SLC25A26: variants seen among roughly 807,000 people sequenced by gnomAD.
SLC25A26 encodes the protein solute carrier family 25 member 26.
A neutral mutation model predicts 37.8 loss-of-function variants in SLC25A26; 36 were observed. The ratio of observed to expected loss-of-function variants is 0.95; its 90% confidence interval spans 0.73 to 1.26. SLC25A26 has a LOEUF of 1.26. SLC25A26 is among the 50% of genes most tolerant of loss of function. The pLI, the probability that SLC25A26 is intolerant of heterozygous loss-of-function variation, is 0.00. For synonymous variants in SLC25A26, 129 were observed against 122.5 expected (o/e 1.05, Z -0.35); for missense variants, 390 against 331.1 (o/e 1.18, Z -1.38).
At chr3:66,371,550 G>GGT in intron 9 of SLC25A26, 1 of 1,127,804 alleles carries the variant, frequency 8.9e-7, no homozygotes, top group Non-Finnish European at 1.2e-6. Context: ...TGACGTTGGG[G>GGT]GTGTGAAGGG....
At chr3:66,279,389 C>T (rs1013050706) in intron 5 of SLC25A26, among the ~76,000 whole-genome samples, 1 of 152,230 alleles carries the variant, frequency 6.6e-6, no homozygotes, top group Non-Finnish European at 1.5e-5. Flanking sequence ...CCAGGTTTTG[C>T]CAACAGCTCT....
At chr3:66,171,988 C>A (rs2070506280) in intron 1 of SLC25A26, among the ~76,000 whole-genome samples, 1 of 152,162 alleles carries the variant, frequency 6.6e-6, no homozygotes, top group Non-Finnish European at 1.5e-5. Flanking sequence ...CTCCCTCAAC[C>A]TTTCCTAGGT....
At chr3:66,279,834 T>A (rs1376545676) in intron 5 of SLC25A26, among the ~76,000 whole-genome samples, 1 of 152,216 alleles carries the variant, frequency 6.6e-6, no homozygotes, top group Non-Finnish European at 1.5e-5. Context: ...ATTGTAAGTC[T>A]TTCCTATTAT....
chr3:66,151,616 G>A (rs2070210041), intron 1 of SLC25A26, among the ~76,000 whole-genome samples: 1 of 152,120 alleles, frequency 6.6e-6, no homozygotes, highest in Non-Finnish European at 1.5e-5. Flanking sequence ...CAGCTCACTG[G>A]GTTAATCCTG....
chr3:66,279,431 T>C (rs537361157), intron 5 of SLC25A26, among the ~76,000 whole-genome samples: 2 of 152,280 alleles, frequency 1.3e-5, no homozygotes, highest in Non-Finnish European at 1.5e-5. Context: ...GGTGCTACAG[T>C]GTCCTCATTG....
intron 5 of SLC25A26, among the ~76,000 whole-genome samples, chr3:66,267,803 T>A: frequency 6.6e-6 from 1 of 152,224 alleles, no homozygotes; most frequent in East Asian, 1.9e-4. Context: ...CTTAGTAGTT[T>A]ATTCAAAAGT....
At chr3:66,269,113 C>T (rs534156765) in intron 5 of SLC25A26, among the ~76,000 whole-genome samples, 1 of 152,162 alleles carries the variant, frequency 6.6e-6, no homozygotes, top group African/African-American at 2.4e-5. Flanking sequence ...TCCAGGTTTG[C>T]CCATTTGTGC....
chr3:66,342,606 G>T (rs1293714356), intron 5 of SLC25A26, among the ~76,000 whole-genome samples: 2 of 152,128 alleles, frequency 1.3e-5, no homozygotes, highest in Non-Finnish European at 2.9e-5. Context: ...GATAATTCTA[G>T]TCCTACACTT....
intron 6 of SLC25A26, among the ~76,000 whole-genome samples, chr3:66,360,421 T>C (rs542680139): frequency 1.3e-5 from 2 of 152,224 alleles, no homozygotes; most frequent in South Asian, 4.2e-4. Context: ...ACAATAAAAG[T>C]TACCTTAATT....
At chr3:66,254,860 G>C (rs2073238682) in intron 3 of SLC25A26, among the ~76,000 whole-genome samples, 1 of 152,234 alleles carries the variant, frequency 6.6e-6, no homozygotes, top group Non-Finnish European at 1.5e-5. Context: ...TGTGAACTAT[G>C]TTGAAATAGT....
At chr3:66,336,697 C>T (rs958412618) in intron 5 of SLC25A26, among the ~76,000 whole-genome samples, 1 of 152,144 alleles carries the variant, frequency 6.6e-6, no homozygotes, top group Non-Finnish European at 1.5e-5. Flanking sequence ...TTGCTTCTTA[C>T]ATACAAGAAG....
chr3:66,296,182 A>AATT (rs1420073508), intron 5 of SLC25A26, among the ~76,000 whole-genome samples: 2 of 152,198 alleles, frequency 1.3e-5, no homozygotes, highest in Non-Finnish European at 2.9e-5. Flanking sequence ...TAAGCATGCT[A>AATT]ATTAGTTCAA....
chr3:66,358,591 T>C (rs2076628478), intron 6 of SLC25A26, among the ~76,000 whole-genome samples: 1 of 152,200 alleles, frequency 6.6e-6, no homozygotes, highest in African/African-American at 2.4e-5. Flanking sequence ...GAGTGTCCCA[T>C]CCAGATCCCA....
intron 5 of SLC25A26, 137 bp from the exon 6 acceptor site, chr3:66,346,227 T>C (rs1036921669): frequency 4.3e-6 from 2 of 467,000 alleles, no homozygotes; most frequent in African/African-American, 4.1e-5. Flanking sequence ...CTAAACATTA[T>C]GTCTACTATA....
At chr3:66,215,137 AC>A (rs1250000957) in intron 1 of SLC25A26, among the ~76,000 whole-genome samples, 1 of 152,144 alleles carries the variant, frequency 6.6e-6, no homozygotes, top group Non-Finnish European at 1.5e-5. Flanking sequence ...AAACAAACAA[AC>A]AAAAAACAAA....
At chr3:66,192,438 C>T (rs1198973060) in intron 1 of SLC25A26, among the ~76,000 whole-genome samples, 7 of 151,898 alleles carry the variant, frequency 4.6e-5, no homozygotes, top group Non-Finnish European at 7.4e-5. Flanking sequence ...TCTCCAGATA[C>T]GGGATCTGCT....
chr3:66,138,189 A>G (rs1002168084), intron 1 of SLC25A26, among the ~76,000 whole-genome samples: 2 of 152,210 alleles, frequency 1.3e-5, no homozygotes, highest in African/African-American at 2.4e-5. Context: ...GTGAACACGT[A>G]AAATAAACAT....
At chr3:66,215,891 G>A (rs1257217140) in intron 1 of SLC25A26, among the ~76,000 whole-genome samples, 1 of 152,218 alleles carries the variant, frequency 6.6e-6, no homozygotes, top group African/African-American at 2.4e-5. Flanking sequence ...GAACAGAAAT[G>A]TATTGCTCAA....
intron 7 of SLC25A26, among the ~76,000 whole-genome samples, chr3:66,367,757 A>G (rs1027379653): frequency 2.6e-5 from 4 of 152,200 alleles, no homozygotes; most frequent in African/African-American, 9.6e-5. Context: ...GGATCCTGTT[A>G]TGTAACTAAA....
Sources: allele counts gnomAD v4.1 joint callset (sites outside exome capture counted in the v4.1 genomes callset), GRCh38; gene constraint gnomAD v4.1.1; transcripts MANE v1.5; gene names NCBI Gene and HGNC (gene_info 2026-07-23, HGNC 2026-07-21).